The following NHSL1 variants were observed in gnomAD, a reference collection of about 807,000 sequenced individuals.
NHSL1 encodes the protein NHS like 1.
In NHSL1, 48 loss-of-function variants were observed where a neutral mutation model predicts 95.0. The ratio of observed to expected loss-of-function variants is 0.51; its 90% confidence interval spans 0.40 to 0.64. NHSL1 has a LOEUF of 0.64. NHSL1 is among the 30% of genes least tolerant of loss of function. NHSL1 has a pLI of 0.00. For synonymous variants in NHSL1, 783 were observed against 833.9 expected (o/e 0.94, Z 1.05); for missense variants, 1,971 against 2,077.7 (o/e 0.95, Z 1.00).
upstream of NHSL1, among the ~76,000 whole-genome samples, chr6:138,573,657 C>G (rs6928724): frequency 0.02 from 2,972 of 152,262 alleles, 74 homozygotes; most frequent in African/African-American, 0.068. Flanking sequence ...ACAGGTATTA[C>G]TAAGGCAGAA....
intron 3 of NHSL1, among the ~76,000 whole-genome samples, chr6:138,460,117 T>C (rs886886487): frequency 5.9e-5 from 9 of 152,214 alleles, no homozygotes; most frequent in African/African-American, 2.2e-4. Context: ...TTTTAAGCAT[T>C]GGACTTACCT....
chr6:138,492,991 G>GA (rs1045922696), intron 2 of NHSL1, among the ~76,000 whole-genome samples: 2 of 108,630 alleles, frequency 1.8e-5, no homozygotes, highest in African/African-American at 6.1e-5. Flanking sequence ...TTCAGAGACT[G>GA]ATTTTTTTTA....
At chr6:138,681,964 A>G (rs1785517486) in intron 1 of NHSL1, among the ~76,000 whole-genome samples, 1 of 149,320 alleles carries the variant, frequency 6.7e-6, no homozygotes. Context: ...CTATCCTTCC[A>G]AAGTAAGATA....
intron 1 of NHSL1, among the ~76,000 whole-genome samples, chr6:138,569,980 C>G (rs1783779417): frequency 6.6e-6 from 1 of 152,196 alleles, no homozygotes; most frequent in African/African-American, 2.4e-5. Context: ...AGGGCACAAT[C>G]TTTTGTATCG....
At chr6:138,474,646 A>G (rs58735807) in intron 2 of NHSL1, among the ~76,000 whole-genome samples, 20,071 of 152,222 alleles carry the variant, frequency 0.13, 1,370 homozygotes, top group Middle Eastern at 0.17. Flanking sequence ...ATACTACTTC[A>G]GTTACTTATA....
chr6:138,515,848 A>G (rs1781437144), intron 1 of NHSL1, among the ~76,000 whole-genome samples: 1 of 152,216 alleles, frequency 6.6e-6, no homozygotes, highest in East Asian at 1.9e-4. Flanking sequence ...TATGAAACAC[A>G]TTCCAACTCA....
At chr6:138,529,135 A>G (rs1160224459) in intron 1 of NHSL1, among the ~76,000 whole-genome samples, 2 of 152,202 alleles carry the variant, frequency 1.3e-5, no homozygotes, top group African/African-American at 4.8e-5. Context: ...TGGGGCCTTT[A>G]GAAGTCTGAG....
At chr6:138,564,651 T>TAA (rs111960358) in intron 1 of NHSL1, among the ~76,000 whole-genome samples, 25,018 of 139,388 alleles carry the variant, frequency 0.18, 3,704 homozygotes, top group African/African-American at 0.41. Flanking sequence ...GCCTTGGGGA[T>TAA]AAAAAAAAAA....
chr6:138,516,083 T>C (rs1487635574), intron 1 of NHSL1, among the ~76,000 whole-genome samples: 1 of 152,228 alleles, frequency 6.6e-6, no homozygotes, highest in Non-Finnish European at 1.5e-5. Context: ...TGACTGATGA[T>C]ACAAGTCCTC....
chr6:138,509,123 T>G (rs529392234), intron 1 of NHSL1, among the ~76,000 whole-genome samples: 1 of 152,374 alleles, frequency 6.6e-6, no homozygotes, highest in South Asian at 2.1e-4. Context: ...ATAAAGGATC[T>G]AGAACATCTT....
At chr6:138,499,524 A>G, upstream of NHSL1, 1 of 899,156 alleles carries the variant, frequency 1.1e-6, no homozygotes, top group Non-Finnish European at 1.5e-6. Flanking sequence ...CTAATCTTTA[A>G]GGCTGAGAGC....
intron 1 of NHSL1, among the ~76,000 whole-genome samples, chr6:138,515,432 A>G (rs1781418070): frequency 6.6e-6 from 1 of 152,220 alleles, no homozygotes; most frequent in African/African-American, 2.4e-5. Context: ...ACTTTCTCTT[A>G]TGAAGCCTTC....
At chr6:138,469,577 C>T (rs56067217) in intron 3 of NHSL1, among the ~76,000 whole-genome samples, 21,901 of 151,834 alleles carry the variant, frequency 0.14, 1,693 homozygotes, top group African/African-American at 0.19. Flanking sequence ...ATACAAGAAT[C>T]AGCTGGGCGT....
intron 1 of NHSL1, among the ~76,000 whole-genome samples, chr6:138,532,555 G>A (rs983781764): frequency 3.3e-5 from 5 of 152,076 alleles, no homozygotes; most frequent in African/African-American, 1.2e-4. Flanking sequence ...AATGGGAGAG[G>A]AGAGAGAAAG....
rs190902743 is a variant in NHSL1 at position 138,521,820 on chromosome 6, G to T, written c.16+23803C>A. On this transcript the variant is annotated intron_variant, in intron 1 of 4. Transcript: ENST00000342260. ...GGTCTGCATCATAACAGAGGTCAGG[G>T]CGGGAGATTTTAAAAACTTTAAAAT... Among the ~76,000 whole-genome samples, 529 of 152,258 alleles carry T rather than the reference G, an allele frequency of 3.5e-3. 4 individuals carry two copies. The highest frequency in any genetic ancestry group is 0.012 in the African/African-American group (496 of 41,548).
At chr6:138,659,046 C>CTTT (rs771033274) in intron 1 of NHSL1, among the ~76,000 whole-genome samples, 33 of 117,818 alleles carry the variant, frequency 2.8e-4, no homozygotes, top group Non-Finnish European at 3.9e-4. Flanking sequence ...TGTGGACTAT[C>CTTT]TTTTTTTTTT....
upstream of NHSL1, among the ~76,000 whole-genome samples, chr6:138,500,788 C>T (rs958376536): frequency 1.3e-5 from 2 of 151,778 alleles, no homozygotes; most frequent in African/African-American, 4.8e-5. Flanking sequence ...TCTTTTTATG[C>T]CCTTTATTTT....
chr6:138,450,101 C>A (rs781136698), intron 3 of NHSL1, among the ~76,000 whole-genome samples: 5 of 152,126 alleles, frequency 3.3e-5, no homozygotes, highest in Non-Finnish European at 5.9e-5. Context: ...AGCAGCTAAG[C>A]CATACTGATG....
intron 3 of NHSL1, among the ~76,000 whole-genome samples, chr6:138,461,919 T>G (rs1778021543): frequency 6.6e-6 from 1 of 152,206 alleles, no homozygotes; most frequent in South Asian, 2.1e-4. Context: ...CTTGAGAGGT[T>G]GGCCTTATTC....
Sources: gnomAD v4.1 joint callset for allele counts (sites outside exome capture counted in the v4.1 genomes callset) on GRCh38, gnomAD v4.1.1 for gene constraint, MANE v1.5 for transcripts, NCBI Gene and HGNC (gene_info 2026-07-23, HGNC 2026-07-21) for gene names.